RPA3: variants seen among roughly 807,000 people sequenced by gnomAD.
RPA3 encodes replication protein A3.
Under a neutral mutation model 13.7 loss-of-function variants are expected in RPA3, and 24 were observed. The observed-to-expected ratio is 1.75, with a 90% CI of 1.27 to 2.46. The LOEUF is 2.46. RPA3 is among the 30% of genes most tolerant of loss of function. The pLI is 0.00. For missense variants in RPA3, 183 were observed against 151.0 expected (o/e 1.21, Z -1.11); for synonymous variants, 59 against 51.2 (o/e 1.15, Z -0.65).
At chr7:7,661,434 A>G (rs185146510) in intron 4 of RPA3, among the ~76,000 whole-genome samples, 4 of 152,128 alleles carry the variant, frequency 2.6e-5, no homozygotes, top group Admixed American at 6.5e-5. Flanking sequence ...GTTTGTCCCT[A>G]TCTTTGTGGA....
chr7:7,688,125 T>A (rs1342142154), intron 2 of RPA3, among the ~76,000 whole-genome samples: 1 of 152,154 alleles, frequency 6.6e-6, no homozygotes, highest in Admixed American at 6.5e-5. Context: ...CATGTAAAAT[T>A]TTAGGTTTGT....
At position 7,640,406 on chromosome 7, in the gene RPA3, T is replaced by A; in HGVS notation, c.13A>T (p.Met5Leu). The A allele has an allele frequency of 6.2e-7, 1 of 1,613,952 alleles. No homozygotes were observed. The highest frequency in any genetic ancestry group is 8.5e-7 in the Non-Finnish European group (1 of 1,180,024). MVDM[M>L]DLPRSRINAG... ...TTGATGCGCGACCTGGGCAAGTCCA[T>A]CATGTCCACCATGATTATGGTCCAA... Residue 5 changes from methionine to leucine, a missense_variant, in exon 5 of 8, where the codon ATG (methionine) becomes TTG (leucine). By Grantham distance (15) the Met-to-Leu change is conservative. Transcript: ENST00000223129.
At chr7:7,703,075 C>G (rs931680640) in intron 2 of RPA3, among the ~76,000 whole-genome samples, 2 of 152,170 alleles carry the variant, frequency 1.3e-5, no homozygotes, top group African/African-American at 4.8e-5. Context: ...TTACTGCCTG[C>G]TTTTTAGAAC....
intron 1 of RPA3, among the ~76,000 whole-genome samples, chr7:7,718,104 A>G (rs145510619): frequency 7.4e-4 from 112 of 152,326 alleles, no homozygotes; most frequent in African/African-American, 2.4e-3. Flanking sequence ...TTGTTGTATA[A>G]TAAGTTATAA....
At chr7:7,645,536 C>A (rs751369720) in intron 4 of RPA3, among the ~76,000 whole-genome samples, 22 of 152,182 alleles carry the variant, frequency 1.4e-4, no homozygotes, top group Non-Finnish European at 2.8e-4. Context: ...AGAAGTGGAC[C>A]CGCATTCAGC....
chr7:7,647,793 C>G (rs1017358823), intron 4 of RPA3, among the ~76,000 whole-genome samples: 1 of 152,058 alleles, frequency 6.6e-6, no homozygotes, highest in Non-Finnish European at 1.5e-5. Flanking sequence ...TTTGTAGAGA[C>G]GGGTTCTTTC....
chr7:7,671,497 T>C (rs1010507444), intron 4 of RPA3, among the ~76,000 whole-genome samples: 1 of 152,230 alleles, frequency 6.6e-6, no homozygotes, highest in Non-Finnish European at 1.5e-5. Context: ...TAATTAGCTG[T>C]TGTTCCTTAA....
At chr7:7,673,035 A>C (rs1326267174) in intron 4 of RPA3, among the ~76,000 whole-genome samples, 1 of 152,064 alleles carries the variant, frequency 6.6e-6, no homozygotes, top group Non-Finnish European at 1.5e-5. Context: ...TGTTGATTTG[A>C]GTTTTGTATG....
intron 7 of RPA3, among the ~76,000 whole-genome samples, chr7:7,637,332 T>C (rs1784881218): frequency 6.6e-6 from 1 of 152,166 alleles, no homozygotes; most frequent in African/African-American, 2.4e-5. Flanking sequence ...TATGCATTAT[T>C]CAATTCCTTC....
chr7:7,664,641 T>C (rs1368658164), intron 4 of RPA3, among the ~76,000 whole-genome samples: 1 of 152,232 alleles, frequency 6.6e-6, no homozygotes, highest in African/African-American at 2.4e-5. Context: ...CTTCTCTTCT[T>C]TGTTTATACA....
chr7:7,645,979 C>T (rs547831586), intron 4 of RPA3, among the ~76,000 whole-genome samples: 31 of 152,182 alleles, frequency 2.0e-4, no homozygotes, highest in East Asian at 3.9e-4. Context: ...GCTCGGCTGC[C>T]GTGTACTCAA....
intron 4 of RPA3, among the ~76,000 whole-genome samples, chr7:7,644,937 A>G (rs559493932): frequency 1.3e-5 from 2 of 152,328 alleles, no homozygotes; most frequent in Non-Finnish European, 2.9e-5. Context: ...AACTCTTACT[A>G]TCCTTGAGCC....
intron 4 of RPA3, among the ~76,000 whole-genome samples, chr7:7,677,558 C>T (rs991518111): frequency 6.6e-6 from 1 of 151,954 alleles, no homozygotes; most frequent in African/African-American, 2.4e-5. Context: ...CCTCTAGTAC[C>T]ATCTATGTTG....
intron 4 of RPA3, chr7:7,676,273 C>T (rs890556117): frequency 2.5e-6 from 1 of 397,544 alleles, no homozygotes; most frequent in African/African-American, 2.1e-5. Flanking sequence ...GGTACCTACC[C>T]CATGAAGTTA....
intron 4 of RPA3, among the ~76,000 whole-genome samples, chr7:7,659,400 G>C (rs1785420749): frequency 6.6e-6 from 1 of 152,076 alleles, no homozygotes; most frequent in Non-Finnish European, 1.5e-5. Flanking sequence ...TGACGTTAGG[G>C]TGTCGATTTT....
At chr7:7,701,311 A>G (rs976762751) in intron 2 of RPA3, among the ~76,000 whole-genome samples, 2 of 152,186 alleles carry the variant, frequency 1.3e-5, no homozygotes, top group Non-Finnish European at 1.5e-5. Context: ...TTAAGGGGAA[A>G]CTAGGTTAGG....
intron 4 of RPA3, among the ~76,000 whole-genome samples, chr7:7,656,310 A>G (rs1425495235): frequency 6.6e-6 from 1 of 151,994 alleles, no homozygotes; most frequent in African/African-American, 2.4e-5. Flanking sequence ...ATGTATTTAA[A>G]AAAATTTTTT....
At chr7:7,712,824 T>C (rs1409983176) in intron 2 of RPA3, among the ~76,000 whole-genome samples, 1 of 152,198 alleles carries the variant, frequency 6.6e-6, no homozygotes, top group East Asian at 1.9e-4. Context: ...TTTGGGTTGC[T>C]CCTGGTTGGC....
At chr7:7,671,172 G>T (rs1239724825) in intron 4 of RPA3, among the ~76,000 whole-genome samples, 1 of 152,184 alleles carries the variant, frequency 6.6e-6, no homozygotes, top group Non-Finnish European at 1.5e-5. Context: ...CAAAAATTTT[G>T]TTGGTTTCTT....
Sources: allele counts gnomAD v4.1 joint callset (sites outside exome capture counted in the v4.1 genomes callset), GRCh38; gene constraint gnomAD v4.1.1; transcripts MANE v1.5; gene names NCBI Gene and HGNC (gene_info 2026-07-23, HGNC 2026-07-21).